SPRYD7: variants seen among roughly 807,000 people sequenced by gnomAD.
The protein encoded by SPRYD7 is SPRY domain-containing protein 7.
In SPRYD7, 14 loss-of-function variants were observed where a neutral mutation model predicts 23.8. That is an observed-to-expected ratio of 0.59 (90% CI 0.39 to 0.92). SPRYD7 has a LOEUF of 0.92. SPRYD7 is among the 40% of genes least tolerant of loss of function. The probability of loss-of-function intolerance (pLI) is 0.00; values close to 1 mark genes in which losing one functional copy is unlikely to be tolerated. For synonymous variants in SPRYD7, 75 were observed against 84.9 expected, an observed-to-expected ratio of 0.88 and a Z score of 0.64; for missense variants, 194 against 241.7, an observed-to-expected ratio of 0.80 and a Z score of 1.31.
chr13:49,928,905 A>G (rs942869784), intron 2 of SPRYD7, among the ~76,000 whole-genome samples: 118 of 152,336 alleles, frequency 7.7e-4, no homozygotes, highest in African/African-American at 2.8e-3. Flanking sequence ...AGTGACAAAC[A>G]ATATATACCA....
At chr13:49,918,034 A>G (rs922196528) in intron 4 of SPRYD7, among the ~76,000 whole-genome samples, 6 of 152,262 alleles carry the variant, frequency 3.9e-5, no homozygotes, top group African/African-American at 7.2e-5. Flanking sequence ...GTCATCATTG[A>G]TACTGCTATT....
intron 3 of SPRYD7, among the ~76,000 whole-genome samples, chr13:49,927,667 C>T (rs920274383): frequency 1.3e-5 from 2 of 152,174 alleles, no homozygotes; most frequent in African/African-American, 2.4e-5. Flanking sequence ...GACAGCCTGT[C>T]ATTAATTCTC....
Position 49,914,795 on chromosome 13 carries a change from A to T in SPRYD7, c.*268T>A, listed in dbSNP as rs192747399. On this transcript the variant is annotated 3_prime_UTR_variant, in exon 5 of 5. Coordinates refer to ENST00000361840, the MANE Select transcript of SPRYD7 (RefSeq NM_020456.4). Reference sequence around the variant, plus strand: ...TCCCTTTAAATATATATGTATATATAGTCATGTTATACTGTTAATTAAACC... The same window carrying T: ...TCCCTTTAAATATATATGTATATATTGTCATGTTATACTGTTAATTAAACC... 6.5e-4 allele frequency: 116 copies of T among 177,152 alleles called. No homozygotes were observed. The highest frequency in any genetic ancestry group is 2.6e-3 in the African/African-American group (109 of 42,292). 11.0% of individuals were successfully genotyped at this position (177,152 alleles called of 1,614,324 possible).
Position 49,919,501 on chromosome 13 carries a change from G to T in SPRYD7, c.493+1977C>A, listed in dbSNP as rs1236249114. 2.0e-5 allele frequency among the ~76,000 whole-genome samples: 3 copies of T among 151,818 alleles called. No individual in the cohort carries two copies. The South Asian group carries it at 6.2e-4, about 32-fold the overall frequency. On this transcript the variant is annotated intron_variant, in intron 4 of 4. Transcript: ENST00000361840. ...GGAGGTTTCAGTGAGCCAAGATCGT[G>T]CCACTGCACTCCAGTCTGGCGATGG...
chr13:49,927,494 A>G (rs918492102), intron 3 of SPRYD7, among the ~76,000 whole-genome samples: 7 of 141,774 alleles, frequency 4.9e-5, no homozygotes, highest in African/African-American at 1.8e-4. Flanking sequence ...AGACTCTAAG[A>G]AAAAAAAAAA....
In SPRYD7 at chr13:49,915,140, C is replaced by A; in HGVS notation, c.514G>T (p.Asp172Tyr). The change falls in exon 5 of 5, where the codon GAT becomes TAT. Residue 172 changes from aspartate (D) to tyrosine (Y), a missense_variant. Asp to Tyr is a radical substitution (Grantham distance 160). Coordinates refer to ENST00000361840, the MANE Select transcript of SPRYD7 (RefSeq NM_020456.4). ...VVYVDDSAIL[D>Y]CQFSEFYHTP... is the part of the protein sequence containing the mutation. ...TGATAAAACTCACTGAACTGGCAAT[C>A]CAAAATTGCACTGTCATCAACTAAA... 2 of 1,560,944 alleles carry A rather than the reference C, an allele frequency of 1.3e-6. No homozygotes were observed. Among genetic ancestry groups the A allele is most frequent in the South Asian group, 1.2e-5 (1 of 82,014 alleles).
chr13:49,932,946 C>A (rs773043464), intron 1 of SPRYD7, among the ~76,000 whole-genome samples: 1 of 152,136 alleles, frequency 6.6e-6, no homozygotes, highest in Non-Finnish European at 1.5e-5. Flanking sequence ...TCTGGCTACT[C>A]CATATACCTC....
chr13:49,922,089 G>C (rs1467383309), intron 3 of SPRYD7, among the ~76,000 whole-genome samples: 1 of 151,608 alleles, frequency 6.6e-6, no homozygotes, highest in Non-Finnish European at 1.5e-5. Flanking sequence ...CTTTACTCTG[G>C]TTTCAAATGT....
At chr13:49,935,376 G>GAA (rs1231316030) in intron 1 of SPRYD7, among the ~76,000 whole-genome samples, 8 of 152,178 alleles carry the variant, frequency 5.3e-5, no homozygotes, top group African/African-American at 1.7e-4. Flanking sequence ...AACTACCTGG[G>GAA]AAAAGTCTAA....
chr13:49,921,347 C>G, intron 4 of SPRYD7, 131 bp downstream of exon 4: 1 of 595,282 alleles, frequency 1.7e-6, no homozygotes, highest in Admixed American at 2.5e-5. Flanking sequence ...AACTGTGAGT[C>G]AATTAAACCT....
chr13:49,918,508 A>C (rs1185750195), intron 4 of SPRYD7, among the ~76,000 whole-genome samples: 3 of 149,048 alleles, frequency 2.0e-5, no homozygotes, highest in Non-Finnish European at 4.4e-5. Flanking sequence ...TCCTGGGTTC[A>C]AGTGATTCTC....
chr13:49,917,198 G>A (rs374605265), intron 4 of SPRYD7, among the ~76,000 whole-genome samples: 36 of 152,140 alleles, frequency 2.4e-4, no homozygotes, highest in African/African-American at 7.0e-4. Flanking sequence ...CCGCCTCCCC[G>A]GTTCACGCTA....
At chr13:49,922,644 T>C (rs1335778971) in intron 3 of SPRYD7, among the ~76,000 whole-genome samples, 1 of 152,108 alleles carries the variant, frequency 6.6e-6, no homozygotes, top group Non-Finnish European at 1.5e-5. Flanking sequence ...ATATCTCTCT[T>C]TAAAACTTTA....
intron 1 of SPRYD7, among the ~76,000 whole-genome samples, chr13:49,934,555 CAAAAAAAAAAAA>C (rs889803067): frequency 3.7e-5 from 2 of 54,408 alleles, no homozygotes; most frequent in African/African-American, 1.3e-4. Context: ...AACTCCGTCT[CAAAAAAAAAAAA>C]AAAAAAAAAA....
intron 2 of SPRYD7, among the ~76,000 whole-genome samples, chr13:49,930,086 G>A (rs778513530): frequency 5.9e-5 from 9 of 152,044 alleles, no homozygotes; most frequent in South Asian, 2.1e-4. Context: ...CACTATGCCC[G>A]ATCACTTTAC....
intron 4 of SPRYD7, among the ~76,000 whole-genome samples, chr13:49,917,346 G>A (rs904104960): frequency 5.9e-5 from 9 of 152,042 alleles, no homozygotes; most frequent in African/African-American, 1.9e-4. Context: ...CTCGTGATCC[G>A]CCTGCCTCAG....
intron 4 of SPRYD7, 74 bp from the exon 5 acceptor site, chr13:49,915,234 T>TA: frequency 1.6e-6 from 1 of 625,012 alleles, no homozygotes; most frequent in Non-Finnish European, 2.7e-6. Flanking sequence ...AATTATAAAA[T>TA]AAAATAAACT....
intron 3 of SPRYD7, among the ~76,000 whole-genome samples, chr13:49,925,144 T>C (rs1416533667): frequency 1.4e-5 from 2 of 147,006 alleles, no homozygotes; most frequent in East Asian, 4.2e-4. Flanking sequence ...TGTAATCCCA[T>C]CACTTTGGGA....
chr13:49,928,021 A>C lies in SPRYD7; in HGVS notation c.288T>G (p.Asp96Glu). The change falls in exon 3 of 5, where the codon GAT becomes GAG. Residue 96 changes from aspartate (D) to glutamate (E), a missense_variant. Coordinates refer to ENST00000361840, the MANE Select transcript of SPRYD7 (RefSeq NM_020456.4). ...VNLNQIPLGRDMHSLVMRNDG... is the reference protein window; with the variant it reads ...VNLNQIPLGREMHSLVMRNDG... Reference sequence around the variant, plus strand: ...CATTTCTCATCACCAGACTGTGCATATCTCGGCCAAGAGGAATCTGATTCA... The same window carrying C: ...CATTTCTCATCACCAGACTGTGCATCTCTCGGCCAAGAGGAATCTGATTCA... 6.2e-7 allele frequency: 1 copy of C among 1,614,176 alleles called. No homozygotes were observed. The highest frequency in any genetic ancestry group is 8.5e-7 in the Non-Finnish European group (1 of 1,180,024).
Sources: allele counts gnomAD v4.1 joint callset (sites outside exome capture counted in the v4.1 genomes callset), GRCh38; gene constraint gnomAD v4.1.1; transcripts MANE v1.5; gene names NCBI Gene and HGNC (gene_info 2026-07-23, HGNC 2026-07-21).